NR5A2: variants seen among roughly 807,000 people sequenced by gnomAD.
The protein encoded by NR5A2 is nuclear receptor subfamily 5 group A member 2, also known as CYP7A promoter-binding factor.
Under a neutral mutation model 62.7 loss-of-function variants are expected in NR5A2, and 26 were observed. The ratio of observed to expected loss-of-function variants is 0.41; its 90% CI spans 0.30 to 0.58. NR5A2 has a LOEUF of 0.58. Ranked by LOEUF, NR5A2 falls within the 20% of genes least tolerant of loss-of-function variation. The pLI, the probability that NR5A2 is intolerant of heterozygous loss-of-function variation, is 0.22. For missense variants in NR5A2, 541 were observed against 669.1 expected, an observed-to-expected ratio of 0.81 and a Z score of 2.11; for synonymous variants, 246 against 241.7, an observed-to-expected ratio of 1.02 and a Z score of -0.16.
At chr1:200,127,585 G>A (rs191344016) in intron 7 of NR5A2, among the ~76,000 whole-genome samples, 105 of 148,600 alleles carry the variant, frequency 7.1e-4, no homozygotes, top group South Asian at 1.7e-3. Flanking sequence ...GCTGAGGCAG[G>A]AGAATCACTT....
In NR5A2 at chr1:200,143,511, G is replaced by A. The variant is rs114725365; in HGVS notation, c.1378+22556G>A. On this transcript the variant is annotated intron_variant, in intron 7 of 7. Transcript: ENST00000367362. ...TTTGGAACTCCTGCCCCAGCCCTGCGCCATGCTTTACTTTAAGCAAGACCT... is the reference window on the plus strand; with the variant it reads ...TTTGGAACTCCTGCCCCAGCCCTGCACCATGCTTTACTTTAAGCAAGACCT... Among the ~76,000 whole-genome samples, 639 of 151,242 alleles carry A rather than the reference G, an allele frequency of 4.2e-3. 7 individuals carry two copies. Among genetic ancestry groups the A allele is most frequent in the African/African-American group, 0.014 (596 of 41,170 alleles).
chr1:200,040,922 C>T (rs911881013), intron 2 of NR5A2, among the ~76,000 whole-genome samples: 25 of 152,338 alleles, frequency 1.6e-4, no homozygotes, highest in Admixed American at 5.2e-4. Flanking sequence ...ATCCTGGGGT[C>T]TCCCCAAGCC....
At chr1:200,109,970 G>A (rs551994386) in intron 5 of NR5A2, among the ~76,000 whole-genome samples, 4 of 152,228 alleles carry the variant, frequency 2.6e-5, no homozygotes, top group African/African-American at 9.6e-5. Context: ...TCACCATGTT[G>A]GCCAGGATGG....
At chr1:200,099,740 C>T (rs549244364) in intron 5 of NR5A2, among the ~76,000 whole-genome samples, 3 of 152,222 alleles carry the variant, frequency 2.0e-5, no homozygotes, top group East Asian at 1.9e-4. Flanking sequence ...ACTACAGGCA[C>T]GTGCCACCAT....
intron 4 of NR5A2, among the ~76,000 whole-genome samples, chr1:200,047,812 A>G (rs1350431329): frequency 6.6e-6 from 1 of 152,118 alleles, no homozygotes; most frequent in Non-Finnish European, 1.5e-5. Flanking sequence ...TCCTGACCTC[A>G]GGTGATCCAC....
At position 200,176,033 on chromosome 1, in the gene NR5A2, C is replaced by T. The variant is rs1287398618; in HGVS notation, c.*1823C>T. The stretch of plus-strand genomic sequence containing the variant: ...AACCAAATATATGTGTTTACTGTAG[C>T]ATGTCTTCAAATTAGTGGAACTTAG... On this transcript the variant is annotated 3_prime_UTR_variant, in exon 8 of 8. Coordinates refer to ENST00000367362, the MANE Select transcript of NR5A2 (RefSeq NM_205860.3). 9 of 152,592 alleles carry T rather than the reference C, an allele frequency of 5.9e-5. No homozygotes were observed. Among genetic ancestry groups the T allele is most frequent in the African/African-American group, 2.2e-4 (9 of 41,428 alleles). The allele number at this position is 152,592 out of a possible 1,614,324, so 9.5% of individuals were successfully genotyped here.
At chr1:200,050,274 T>G (rs1662567483) in intron 5 of NR5A2, among the ~76,000 whole-genome samples, 1 of 152,232 alleles carries the variant, frequency 6.6e-6, no homozygotes, top group Non-Finnish European at 1.5e-5. Context: ...GTAAAGTATT[T>G]GAAAATGAAA....
chr1:200,034,800 T>A (rs920501791), intron 1 of NR5A2, among the ~76,000 whole-genome samples: 1 of 147,818 alleles, frequency 6.8e-6, no homozygotes, highest in Non-Finnish European at 1.5e-5. Flanking sequence ...TTTTTTTTTT[T>A]TTTTTTTTTT....
chr1:200,034,783 CTTTTTTTT>C (rs767393832), intron 1 of NR5A2, among the ~76,000 whole-genome samples: 20 of 71,286 alleles, frequency 2.8e-4, no homozygotes, highest in African/African-American at 8.5e-4. Context: ...AGCAGAAAGG[CTTTTTTTT>C]TTTTTTTTTT....
intron 5 of NR5A2, among the ~76,000 whole-genome samples, chr1:200,108,206 A>G (rs1374219946): frequency 6.6e-6 from 1 of 151,318 alleles, no homozygotes; most frequent in Non-Finnish European, 1.5e-5. Context: ...CAGTCCTCCC[A>G]CCTCAGCCTC....
At chr1:200,170,150 G>A (rs1381481121) in intron 7 of NR5A2, among the ~76,000 whole-genome samples, 2 of 152,024 alleles carry the variant, frequency 1.3e-5, no homozygotes, top group Non-Finnish European at 2.9e-5. Flanking sequence ...TCTGTTGTTA[G>A]AGACTCCTGC....
At chr1:200,134,831 A>G (rs950497284) in intron 7 of NR5A2, among the ~76,000 whole-genome samples, 1 of 152,226 alleles carries the variant, frequency 6.6e-6, no homozygotes. Flanking sequence ...ATTTTTAAGT[A>G]TGCAGTTTAG....
chr1:200,043,359 G>A (rs543509768), intron 2 of NR5A2, among the ~76,000 whole-genome samples: 10 of 152,272 alleles, frequency 6.6e-5, no homozygotes, highest in African/African-American at 2.4e-4. Flanking sequence ...CACTTCAAGA[G>A]GGAGGGAATA....
intron 1 of NR5A2, among the ~76,000 whole-genome samples, chr1:200,038,287 C>CAGGTCACTAA (rs1478579767): frequency 6.6e-6 from 1 of 152,220 alleles, no homozygotes; most frequent in Non-Finnish European, 1.5e-5. Context: ...TGTGGAAACA[C>CAGGTCACTAA]AGGTCACTAA....
chr1:200,151,166 A>G (rs1292203670), intron 7 of NR5A2, among the ~76,000 whole-genome samples: 2 of 152,184 alleles, frequency 1.3e-5, no homozygotes, highest in African/African-American at 4.8e-5. Context: ...GAAGGGGGAA[A>G]AAAAGCCTTC....
At chr1:200,115,437 A>T (rs929133121) in intron 6 of NR5A2, among the ~76,000 whole-genome samples, 5 of 152,202 alleles carry the variant, frequency 3.3e-5, no homozygotes, top group African/African-American at 1.2e-4. Context: ...TGTTGTTGAT[A>T]TCATGGGAAA....
intron 5 of NR5A2, among the ~76,000 whole-genome samples, chr1:200,093,843 G>C (rs991084833): frequency 2.0e-5 from 3 of 152,146 alleles, no homozygotes; most frequent in African/African-American, 7.2e-5. Flanking sequence ...TCATTCTTTG[G>C]ATGGGTATTT....
At position 200,120,859 on chromosome 1, in the gene NR5A2, A is replaced by G; in HGVS notation, c.1282A>G (p.Met428Val). The change falls in exon 7 of 8, where the codon ATG becomes GTG. Residue 428 changes from methionine (M) to valine (V), a missense_variant. Coordinates refer to ENST00000367362, the MANE Select transcript of NR5A2 (RefSeq NM_205860.3). ...AGCCGGAGCCACCCTCAACAACCTC[A>G]TGAGTCATGCACAGGAGTTAGTGGC... is the stretch of plus-strand genomic sequence containing the variant. ...SQAGATLNNL[M>V]SHAQELVAKL... The G allele has an allele frequency of 6.2e-7, 1 of 1,603,026 alleles. No homozygotes were observed. Among genetic ancestry groups the G allele is most frequent in the East Asian group, 2.2e-5 (1 of 44,536 alleles).
chr1:200,044,273 A>G (rs1365616288), intron 3 of NR5A2: 3 of 154,304 alleles, frequency 1.9e-5, no homozygotes, highest in Non-Finnish European at 4.3e-5. Flanking sequence ...TTTTAACTTC[A>G]GAGTATTTCT....
Sources: allele counts gnomAD v4.1 joint callset (sites outside exome capture counted in the v4.1 genomes callset), GRCh38; gene constraint gnomAD v4.1.1; transcripts MANE v1.5; gene names NCBI Gene and HGNC (gene_info 2026-07-23, HGNC 2026-07-21).